LDLRAD4: variants seen among roughly 807,000 people sequenced by gnomAD.
LDLRAD4 encodes the protein low-density lipoprotein receptor class A domain-containing protein 4.
Under a neutral mutation model 17.0 loss-of-function variants are expected in LDLRAD4, and 5 were observed. The ratio of observed to expected loss-of-function variants is 0.29; its 90% CI spans 0.15 to 0.62. The LOEUF (loss-of-function observed/expected upper bound fraction) is 0.62. Ranked by LOEUF, LDLRAD4 falls within the 20% of genes least tolerant of loss-of-function variation. The pLI, the probability that LDLRAD4 is intolerant of heterozygous loss-of-function variation, is 0.84. For missense variants in LDLRAD4, 340 were observed against 424.7 expected (o/e 0.80, Z 1.75); for synonymous variants, 168 against 171.8 (o/e 0.98, Z 0.17).
chr18:13,246,447 A>G (rs1412027967), intron 1 of LDLRAD4, among the ~76,000 whole-genome samples: 1 of 152,230 alleles, frequency 6.6e-6, no homozygotes, highest in Non-Finnish European at 1.5e-5. Context: ...ATCTGTGGTC[A>G]GGTTTCTATA....
intron 1 of LDLRAD4, among the ~76,000 whole-genome samples, chr18:13,364,839 A>G (rs1451560183): frequency 6.6e-6 from 1 of 152,212 alleles, no homozygotes; most frequent in East Asian, 1.9e-4. Context: ...CAGCCTAAGC[A>G]GGCAGGAAAG....
chr18:13,432,576 C>T (rs1192211499), intron 2 of LDLRAD4, among the ~76,000 whole-genome samples: 1 of 152,232 alleles, frequency 6.6e-6, no homozygotes, highest in Non-Finnish European at 1.5e-5. Flanking sequence ...TTGGTTTCCT[C>T]TTGGCTGTGG....
At chr18:13,271,634 A>T (rs1259556604) in intron 1 of LDLRAD4, among the ~76,000 whole-genome samples, 1 of 152,206 alleles carries the variant, frequency 6.6e-6, no homozygotes, top group Non-Finnish European at 1.5e-5. Context: ...TTGAATGCCG[A>T]TAGCGTTCCC....
chr18:13,410,775 C>T (rs1043904688), intron 2 of LDLRAD4, among the ~76,000 whole-genome samples: 1 of 152,204 alleles, frequency 6.6e-6, no homozygotes, highest in African/African-American at 2.4e-5. Context: ...TCTTGGGAAA[C>T]TGAAAGCTCT....
chr18:13,363,096 A>T (rs1599681720), intron 1 of LDLRAD4, among the ~76,000 whole-genome samples: 1 of 152,016 alleles, frequency 6.6e-6, no homozygotes, highest in South Asian at 2.1e-4. Context: ...TTTGGGAAGC[A>T]GAGGCGGGCG....
chr18:13,649,985 A>G (rs375758270), exon 6 of LDLRAD4: 9 of 398,294 alleles, frequency 2.3e-5, no homozygotes, highest in East Asian at 1.1e-4. Context: ...GGAAAGTCAC[A>G]AATTTAAAAA....
chr18:13,254,044 G>A (rs80110115), intron 1 of LDLRAD4, among the ~76,000 whole-genome samples: 9,758 of 152,332 alleles, frequency 0.064, 407 homozygotes, highest in African/African-American at 0.11. Context: ...CCTGCTGCTG[G>A]GAGATAGTGC....
At chr18:13,237,605 T>C (rs978058478) in intron 1 of LDLRAD4, among the ~76,000 whole-genome samples, 1 of 152,180 alleles carries the variant, frequency 6.6e-6, no homozygotes, top group Non-Finnish European at 1.5e-5. Context: ...TTCTTGTTCC[T>C]AGCTCGGTCT....
chr18:13,382,175 C>G (rs1599811253), intron 1 of LDLRAD4, among the ~76,000 whole-genome samples: 1 of 152,204 alleles, frequency 6.6e-6, no homozygotes. Context: ...TTTTTGAGTG[C>G]TACTTTGATT....
chr18:13,628,266 G>A (rs573225201), intron 4 of LDLRAD4, among the ~76,000 whole-genome samples: 2 of 152,290 alleles, frequency 1.3e-5, no homozygotes, highest in South Asian at 2.1e-4. Flanking sequence ...AGTTGTACTC[G>A]GTCTGCCTCT....
intron 1 of LDLRAD4, among the ~76,000 whole-genome samples, chr18:13,246,955 T>TA (rs756765955): frequency 6.8e-6 from 1 of 146,644 alleles, no homozygotes; most frequent in African/African-American, 2.4e-5. Context: ...TTTTTTTTTT[T>TA]AAATTTCCTA....
intron 3 of LDLRAD4, among the ~76,000 whole-genome samples, chr18:13,616,884 G>A (rs1276905958): frequency 1.3e-5 from 2 of 152,206 alleles, no homozygotes; most frequent in East Asian, 3.9e-4. Flanking sequence ...CCATGAACTT[G>A]ACCTGCCCCA....
intron 1 of LDLRAD4, among the ~76,000 whole-genome samples, chr18:13,290,195 A>G (rs888599020): frequency 1.3e-5 from 2 of 152,182 alleles, no homozygotes; most frequent in Admixed American, 6.5e-5. Flanking sequence ...CTGTTTCCCC[A>G]TAATTCTCAG....
At chr18:13,395,651 C>G in intron 2 of LDLRAD4, among the ~76,000 whole-genome samples, 1 of 67,938 alleles carries the variant, frequency 1.5e-5, no homozygotes, top group South Asian at 8.6e-4. Context: ...GGGGAGCTGG[C>G]GTGGGGGCAG....
At chr18:13,288,240 C>T (rs1366489501) in intron 1 of LDLRAD4, among the ~76,000 whole-genome samples, 1 of 152,156 alleles carries the variant, frequency 6.6e-6, no homozygotes, top group Non-Finnish European at 1.5e-5. Context: ...AGGCAAATGT[C>T]CCAACCTCAA....
rs80103942 is a variant in LDLRAD4 at position 13,368,214 on chromosome 18, G to T, written c.-382-19127G>T. On this transcript the variant is annotated intron_variant, in intron 1 of 5. Transcript: ENST00000359446. ...GTGGCATTGGCGCACGGTTGGCGTGGAAGCCAAGTTTCTAGAGGGAGCCGA... is the reference window on the plus strand; with the variant it reads ...GTGGCATTGGCGCACGGTTGGCGTGTAAGCCAAGTTTCTAGAGGGAGCCGA... 2.0e-3 allele frequency among the ~76,000 whole-genome samples: 303 copies of T among 152,252 alleles called. 2 individuals carry two copies. In the East Asian group the frequency reaches 0.029, roughly 15 times the overall value.
intron 3 of LDLRAD4, among the ~76,000 whole-genome samples, chr18:13,534,631 T>C (rs190733498): frequency 1.3e-5 from 2 of 152,348 alleles, no homozygotes; most frequent in East Asian, 3.9e-4. Flanking sequence ...TACTTTCTTA[T>C]ACTCATGTTT....
chr18:13,308,488 G>A (rs2047042740), intron 1 of LDLRAD4, among the ~76,000 whole-genome samples: 1 of 152,238 alleles, frequency 6.6e-6, no homozygotes, highest in Non-Finnish European at 1.5e-5. Flanking sequence ...ACATCACCAA[G>A]TCGCCCTTCC....
At chr18:13,581,004 T>G (rs950481811) in intron 3 of LDLRAD4, among the ~76,000 whole-genome samples, 1 of 152,184 alleles carries the variant, frequency 6.6e-6, no homozygotes, top group Non-Finnish European at 1.5e-5. Flanking sequence ...GGACCAGAAG[T>G]GTTTTGGATT....
Sources: gnomAD v4.1 joint callset for allele counts (sites outside exome capture counted in the v4.1 genomes callset) on GRCh38, gnomAD v4.1.1 for gene constraint, MANE v1.5 for transcripts, NCBI Gene and HGNC (gene_info 2026-07-23, HGNC 2026-07-21) for gene names.